APLF: variants seen among roughly 807,000 people sequenced by gnomAD.
APLF encodes aprataxin and PNKP like factor.
Under a neutral mutation model 55.6 loss-of-function variants are expected in APLF, and 61 were observed. The observed-to-expected ratio is 1.10, with a 90% CI of 0.89 to 1.36. The LOEUF (loss-of-function observed/expected upper bound fraction) is 1.36, where lower values mean the gene tolerates loss of function less well. Ranked by LOEUF, APLF falls within the 40% of genes most tolerant of loss-of-function variation. The pLI is 0.00. For missense variants in APLF, 611 were observed against 602.5 expected, an observed-to-expected ratio of 1.01 and a Z score of -0.15; for synonymous variants, 207 against 214.8, an observed-to-expected ratio of 0.96 and a Z score of 0.32.
rs765899493 is a variant in APLF at position 68,580,119 on chromosome 2, T to C, written c.*2097T>C. 1.4e-5 allele frequency: 13 copies of C among 943,492 alleles called. No individual in the cohort carries two copies. The Admixed American group carries it at 1.9e-4, about 13-fold the overall frequency. The allele number at this position is 943,492 out of a possible 1,614,324, so 58.4% of individuals were successfully genotyped here. ...ACTTTCATAATCATCCTGAAGACAC[T>C]TTTGAGTATAACTATTGTATAAATA... On this transcript the variant is annotated 3_prime_UTR_variant, in exon 10 of 10. Transcript: ENST00000303795.
At chr2:68,540,875 A>G (rs1480051256) in intron 7 of APLF, among the ~76,000 whole-genome samples, 1 of 152,116 alleles carries the variant, frequency 6.6e-6, no homozygotes, top group African/African-American at 2.4e-5. Context: ...TTCAAGTGCA[A>G]ACTTGAAAGA....
At chr2:68,487,907 GAC>G (rs1167536014) in intron 1 of APLF, among the ~76,000 whole-genome samples, 1 of 152,060 alleles carries the variant, frequency 6.6e-6, no homozygotes, top group Non-Finnish European at 1.5e-5. Context: ...ATTCTATAAA[GAC>G]ACATAGCTTG....
chr2:68,566,076 C>T (rs993714267), intron 8 of APLF, among the ~76,000 whole-genome samples: 1 of 152,000 alleles, frequency 6.6e-6, no homozygotes, highest in Non-Finnish European at 1.5e-5. Flanking sequence ...TAGAGATCCA[C>T]TTCCTGAGAC....
chr2:68,493,149 A>G (rs1368068188), intron 2 of APLF, among the ~76,000 whole-genome samples: 1 of 152,196 alleles, frequency 6.6e-6, no homozygotes, highest in African/African-American at 2.4e-5. Context: ...CAACTAATTG[A>G]TGATCTGTCT....
intron 7 of APLF, among the ~76,000 whole-genome samples, chr2:68,543,971 A>G (rs973250466): frequency 6.7e-6 from 1 of 149,154 alleles, no homozygotes; most frequent in African/African-American, 2.5e-5. Context: ...TGTTAAGTCA[A>G]TTGTATTTTC....
chr2:68,566,929 G>A (rs1394709645), intron 8 of APLF, among the ~76,000 whole-genome samples: 1 of 151,946 alleles, frequency 6.6e-6, no homozygotes, highest in East Asian at 1.9e-4. Flanking sequence ...TTAGATTCAA[G>A]AAGAGCCTTA....
At position 68,578,600 on chromosome 2, in the gene APLF, T is replaced by C; in HGVS notation, c.*578T>C. On this transcript the variant is annotated 3_prime_UTR_variant, in exon 10 of 10. Transcript: ENST00000303795. ...AATGGGTACTGAAAATAGATTCAACTAGGCTGTAGAAGAGAAATGTTCACC... is the reference window on the plus strand; with the variant it reads ...AATGGGTACTGAAAATAGATTCAACCAGGCTGTAGAAGAGAAATGTTCACC... 2 of 985,346 alleles carry C rather than the reference T, an allele frequency of 2.0e-6. No individual in the cohort carries two copies. Among genetic ancestry groups the C allele is most frequent in the Non-Finnish European group, 2.4e-6 (2 of 829,926 alleles). 61.0% of individuals were successfully genotyped at this position (985,346 alleles called of 1,614,324 possible).
In APLF at chr2:68,513,456, G is replaced by C. The variant is rs951492000; in HGVS notation, c.490-92G>C. The stretch of plus-strand genomic sequence containing the variant: ...GAACTCAGTCTACAGTTGCATATGG[G>C]TATTTTAATGGTAGTATTCTGCAAA... On this transcript the variant is annotated intron_variant, in intron 4 of 9. Transcript: ENST00000303795. 8.6e-6 allele frequency: 12 copies of C among 1,397,284 alleles called. No individual in the cohort carries two copies. The African/African-American group carries it at 1.5e-4, about 17-fold the overall frequency. The allele number at this position is 1,397,284 out of a possible 1,614,324, so 86.6% of individuals were successfully genotyped here.
intron 7 of APLF, among the ~76,000 whole-genome samples, chr2:68,542,067 G>T (rs1404221703): frequency 6.6e-6 from 1 of 152,130 alleles, no homozygotes; most frequent in Non-Finnish European, 1.5e-5. Flanking sequence ...AATAAAGAGT[G>T]CTCAGAAAAC....
chr2:68,578,955 T>C lies in APLF; in HGVS notation c.*933T>C, dbSNP rs1671693264. 2.2e-5 allele frequency: 22 copies of C among 984,964 alleles called. No individual in the cohort carries two copies. The highest frequency in any genetic ancestry group is 2.7e-5 in the Non-Finnish European group (22 of 829,514). The allele number at this position is 984,964 out of a possible 1,614,324, so 61.0% of individuals were successfully genotyped here. A position where few individuals can be genotyped will look rare whatever the true frequency, so the allele number is the denominator to read the frequency against. ...TCTTTCTGTATTTCTGTTCTAAAAC[T>C]ACTTTAAGCCCTATAATGCTCTTCA... On this transcript the variant is annotated 3_prime_UTR_variant, in exon 10 of 10. Transcript: ENST00000303795.
chr2:68,559,686 T>C (rs930522392), intron 8 of APLF, among the ~76,000 whole-genome samples: 6 of 152,050 alleles, frequency 3.9e-5, no homozygotes, highest in African/African-American at 1.4e-4. Flanking sequence ...ATTTCTTAGG[T>C]CCTCTACCTT....
At chr2:68,467,972 A>G in intron 1 of APLF, 145 bp downstream of exon 1, 8 of 508,252 alleles carry the variant, frequency 1.6e-5, no homozygotes, top group Non-Finnish European at 2.4e-5. Context: ...CACGTTTTTC[A>G]GTTACCTTTA....
intron 3 of APLF, among the ~76,000 whole-genome samples, chr2:68,505,928 T>C (rs1676862179): frequency 6.6e-6 from 1 of 151,972 alleles, no homozygotes; most frequent in Non-Finnish European, 1.5e-5. Context: ...TCCTACCCTC[T>C]AATCATGATT....
At chr2:68,575,730 AAG>A (rs1048370203) in intron 9 of APLF, among the ~76,000 whole-genome samples, 17 of 152,066 alleles carry the variant, frequency 1.1e-4, no homozygotes, top group African/African-American at 3.9e-4. Flanking sequence ...ATGATTAGAG[AAG>A]TCATATATTC....
Position 68,526,750 on chromosome 2 carries a change from C to T in APLF, c.804+508C>T, listed in dbSNP as rs113061456. On this transcript the variant is annotated intron_variant, in intron 6 of 9. Coordinates refer to ENST00000303795, the MANE Select transcript of APLF (RefSeq NM_173545.3). The stretch of plus-strand genomic sequence containing the variant: ...GTCACCAGGCTGGAGCGCAGTGGTG[C>T]GATCTCGGCTCACTGCAACCTCCAC... Among the ~76,000 whole-genome samples the T allele has an allele frequency of 7.3e-3, 1,105 of 152,090 alleles. 10 individuals are homozygous for T. Among genetic ancestry groups the T allele is most frequent in the African/African-American group, 0.025 (1,055 of 41,462 alleles).
At chr2:68,473,142 A>C (rs1165473752) in intron 1 of APLF, among the ~76,000 whole-genome samples, 1 of 152,132 alleles carries the variant, frequency 6.6e-6, no homozygotes, top group Non-Finnish European at 1.5e-5. Context: ...GAGTTGTTCC[A>C]CTGCCCTAAA....
rs142046052 is a variant in APLF, at chr2:68,543,674, C to T, written c.1161-1513C>T. On this transcript the variant is annotated intron_variant, in intron 7 of 9. Transcript: ENST00000303795. ...GCAGTATTACTTATAGAAGTCAATA[C>T]CTGAAATGAACCCAAAAGTTTATCA... 1.3e-3 allele frequency among the ~76,000 whole-genome samples: 199 copies of T among 152,118 alleles called. 2 individuals carry two copies. The highest frequency in any genetic ancestry group is 4.7e-3 in the African/African-American group (194 of 41,480).
chr2:68,509,336 A>G (rs1319798813), intron 3 of APLF, among the ~76,000 whole-genome samples: 6 of 152,184 alleles, frequency 3.9e-5, no homozygotes, highest in Admixed American at 6.6e-5. Flanking sequence ...ACAAAGGGCT[A>G]ATATCCAGAA....
intron 6 of APLF, among the ~76,000 whole-genome samples, chr2:68,531,880 G>A (rs1670266770): frequency 6.6e-6 from 1 of 152,186 alleles, no homozygotes; most frequent in South Asian, 2.1e-4. Flanking sequence ...CTATTTGTGA[G>A]GTTTTGATGA....
Sources: allele counts gnomAD v4.1 joint callset (sites outside exome capture counted in the v4.1 genomes callset), GRCh38; gene constraint gnomAD v4.1.1; transcripts MANE v1.5; gene names NCBI Gene and HGNC (gene_info 2026-07-23, HGNC 2026-07-21).